FMN2: variants seen among roughly 807,000 people sequenced by gnomAD.
FMN2 encodes the protein formin-2.
In FMN2, 51 loss-of-function variants were observed where a neutral mutation model predicts 142.3. The observed-to-expected ratio is 0.36, with a 90% CI of 0.29 to 0.45. The LOEUF is 0.45. Among genes scored for constraint, FMN2 ranks in the 20% least tolerant of loss-of-function variants. The pLI is 1.00. For missense variants in FMN2, 1,936 were observed against 2,122.8 expected, an observed-to-expected ratio of 0.91 and a Z score of 1.73; for synonymous variants, 882 against 869.8, an observed-to-expected ratio of 1.01 and a Z score of -0.25.
At chr1:240,320,452 G>A (rs899322185) in intron 8 of FMN2, among the ~76,000 whole-genome samples, 2 of 152,204 alleles carry the variant, frequency 1.3e-5, no homozygotes, top group Admixed American at 6.5e-5. Flanking sequence ...TAGCACAGAA[G>A]ACAAATGAGG....
chr1:240,384,391 C>T (rs1373719826), intron 14 of FMN2, among the ~76,000 whole-genome samples: 1 of 152,126 alleles, frequency 6.6e-6, no homozygotes, highest in African/African-American at 2.4e-5. Flanking sequence ...TGTATGATCA[C>T]ACCATGAGAG....
In FMN2 at chr1:240,144,961, C is replaced by A. The variant is rs191469903; in HGVS notation, c.1782+21616C>A. On this transcript the variant is annotated intron_variant, in intron 2 of 17. Transcript: ENST00000319653. The stretch of plus-strand genomic sequence containing the variant: ...AGCCTACTAGCCGATACTTGAGGCA[C>A]TCGCACTCCCCACTCATGGTCATGG... 793 of 1,258,722 alleles carry A rather than the reference C, an allele frequency of 6.3e-4. 1 individual carries two copies. The African/African-American group carries it at 9.8e-3, about 16-fold the overall frequency. The allele number at this position is 1,258,722 out of a possible 1,614,324, so 78.0% of individuals were successfully genotyped here.
Position 240,432,265 on chromosome 1 carries a change from T to C in FMN2, c.4911-5796T>C, listed in dbSNP as rs191079881. On this transcript the variant is annotated intron_variant, in intron 15 of 17. Transcript: ENST00000319653. ...TGTTTAAGTAATTTGCTTATTTCACTTAAGGTGTCAAATCTACAGGCATAA... is the reference window on the plus strand; with the variant it reads ...TGTTTAAGTAATTTGCTTATTTCACCTAAGGTGTCAAATCTACAGGCATAA... Among the ~76,000 whole-genome samples, 8 of 152,124 alleles carry C rather than the reference T, an allele frequency of 5.3e-5. No individual in the cohort carries two copies. The East Asian group carries it at 1.5e-3, about 29-fold the overall frequency.
chr1:240,361,886 C>T (rs1017872789), intron 14 of FMN2, among the ~76,000 whole-genome samples: 1 of 152,126 alleles, frequency 6.6e-6, no homozygotes, highest in Admixed American at 6.5e-5. Context: ...AGAGGAAAAC[C>T]AGGTGTTAGT....
intron 16 of FMN2, among the ~76,000 whole-genome samples, chr1:240,465,617 C>T (rs1284629758): frequency 3.3e-5 from 5 of 152,126 alleles, no homozygotes. Context: ...TGGGAGATTC[C>T]ATAGGCGAAC....
At chr1:240,342,303 T>C (rs1427321627) in intron 13 of FMN2, among the ~76,000 whole-genome samples, 2 of 152,232 alleles carry the variant, frequency 1.3e-5, no homozygotes, top group African/African-American at 4.8e-5. Context: ...TTCACTTTTA[T>C]ATCTTACGTT....
chr1:240,172,205 C>T lies in FMN2; in HGVS notation c.1783-5716C>T, dbSNP rs189213957. Among the ~76,000 whole-genome samples, 332 of 151,074 alleles carry T rather than the reference C, an allele frequency of 2.2e-3. 1 individual carries two copies. Among genetic ancestry groups the T allele is most frequent in the Non-Finnish European group, 3.9e-3 (267 of 67,992 alleles). Reference sequence around the variant, plus strand: ...GTGAAATATTACACATACACATACACACACACACACACAGAAAAAGACATT... The same window carrying T: ...GTGAAATATTACACATACACATACATACACACACACACAGAAAAAGACATT... On this transcript the variant is annotated intron_variant, in intron 2 of 17. Transcript: ENST00000319653.
Position 240,211,198 on chromosome 1 carries a change from C to A in FMN2, c.4028C>A (p.Pro1343His), listed in dbSNP as rs1299163567. The stretch of plus-strand genomic sequence containing the variant: ...ACTGCTGTAAAGGAGAGAAAGAAAC[C>A]TATCTCTGATACTATCTCAAAGACG... ...SKTAVKERKK[P>H]ISDTISKTKA... is the part of the protein sequence containing the mutation. Residue 1343 changes from proline to histidine, a missense_variant, in exon 6 of 18, where the codon CCT becomes CAT. Coordinates refer to ENST00000319653, the MANE Select transcript of FMN2 (RefSeq NM_020066.5). 6.2e-7 allele frequency: 1 copy of A among 1,612,866 alleles called. No individual in the cohort carries two copies. The highest frequency in any genetic ancestry group is 1.7e-5 in the Admixed American group (1 of 59,928).
At chr1:240,126,366 C>T (rs1227800865) in intron 2 of FMN2, among the ~76,000 whole-genome samples, 2 of 149,520 alleles carry the variant, frequency 1.3e-5, no homozygotes, top group Non-Finnish European at 3.0e-5. Context: ...TCCTACCTAC[C>T]CCCCCCCACT....
chr1:240,412,781 A>C (rs1344067562), intron 15 of FMN2, among the ~76,000 whole-genome samples: 2 of 152,086 alleles, frequency 1.3e-5, no homozygotes, highest in African/African-American at 4.8e-5. Context: ...TCCGGAGAAG[A>C]TCATTATGGA....
chr1:240,236,324 C>T (rs1364723051), intron 6 of FMN2, among the ~76,000 whole-genome samples: 4 of 152,150 alleles, frequency 2.6e-5, no homozygotes, highest in Admixed American at 2.6e-4. Context: ...TCACTCTCGC[C>T]ATGCCTTTAA....
At chr1:240,263,822 T>C (rs1472148613) in intron 7 of FMN2, among the ~76,000 whole-genome samples, 1 of 152,194 alleles carries the variant, frequency 6.6e-6, no homozygotes, top group Non-Finnish European at 1.5e-5. Flanking sequence ...GCCCAGGGTA[T>C]GAATGGCTCT....
At chr1:240,361,829 G>A (rs1252233737) in intron 14 of FMN2, among the ~76,000 whole-genome samples, 1 of 152,226 alleles carries the variant, frequency 6.6e-6, no homozygotes, top group African/African-American at 2.4e-5. Flanking sequence ...AGAAAAATTA[G>A]ATCCAGGGAT....
chr1:240,180,543 C>T (rs1488204308), intron 3 of FMN2, among the ~76,000 whole-genome samples: 4 of 147,570 alleles, frequency 2.7e-5, no homozygotes, highest in Non-Finnish European at 4.5e-5. Context: ...TTGGTTAAAT[C>T]CACTGTATAT....
chr1:240,128,122 A>G (rs189567340), intron 2 of FMN2, among the ~76,000 whole-genome samples: 75 of 152,358 alleles, frequency 4.9e-4, no homozygotes, highest in African/African-American at 1.6e-3. Context: ...AAGAGAAAAC[A>G]GGGATCATAC....
chr1:240,386,076 T>C (rs1035735612), intron 14 of FMN2, among the ~76,000 whole-genome samples: 2 of 152,218 alleles, frequency 1.3e-5, no homozygotes, highest in Admixed American at 1.3e-4. Flanking sequence ...GCATTGGGAC[T>C]TAGTTATTTC....
chr1:240,330,289 TATC>T (rs1334361939), intron 10 of FMN2, among the ~76,000 whole-genome samples: 3 of 152,222 alleles, frequency 2.0e-5, no homozygotes, highest in Admixed American at 1.3e-4. Context: ...ATCTAATAGT[TATC>T]ATATAGCCTT....
intron 6 of FMN2, among the ~76,000 whole-genome samples, chr1:240,235,541 A>G (rs991705785): frequency 1.6e-4 from 25 of 152,022 alleles, no homozygotes; most frequent in Admixed American, 9.2e-4. Flanking sequence ...CCTCCCAAGT[A>G]TCTGGGATTA....
At chr1:240,120,289 C>T (rs1662181468) in intron 1 of FMN2, among the ~76,000 whole-genome samples, 1 of 152,094 alleles carries the variant, frequency 6.6e-6, no homozygotes, top group Non-Finnish European at 1.5e-5. Context: ...TTTTGCAAAG[C>T]CTGGAGCTAA....
Sources: gnomAD v4.1 joint callset for allele counts (sites outside exome capture counted in the v4.1 genomes callset) on GRCh38, gnomAD v4.1.1 for gene constraint, MANE v1.5 for transcripts, NCBI Gene and HGNC (gene_info 2026-07-23, HGNC 2026-07-21) for gene names.